The following FIG4 variants were observed in gnomAD, a reference collection of about 807,000 sequenced individuals.
The protein encoded by FIG4 is polyphosphoinositide phosphatase.
FIG4 carries 112 observed loss-of-function variants against 118.6 expected under a neutral mutation model. That is an observed-to-expected ratio of 0.94 (90% CI 0.81 to 1.11). The LOEUF is 1.11. Ranked by LOEUF, FIG4 falls within the 50% of genes least tolerant of loss-of-function variation. FIG4 has a pLI of 0.00. For synonymous variants in FIG4, 369 were observed against 381.2 expected, an observed-to-expected ratio of 0.97 and a Z score of 0.37; for missense variants, 969 against 1,111.7, an observed-to-expected ratio of 0.87 and a Z score of 1.83.
Position 109,791,502 on chromosome 6 carries a change from G to C in FIG4, c.2307G>C (p.Glu769Asp), listed in dbSNP as rs909921927. The change falls in exon 20 of 23, where the codon GAG becomes GAC. Residue 769 changes from glutamate (E) to aspartate (D), a missense_variant. Around this residue, in one of 3 missense-constraint regions of FIG4, gnomAD observed 330 missense variants for 348.1 expected, o/e 0.95. Coordinates refer to ENST00000230124, the MANE Select transcript of FIG4 (RefSeq NM_014845.6). ...ACTCTGGGACTGATCGGGAAGAAGA[G>C]GGCTCTGTGTCTCAGCGCTCCACTC... ...EDDSGTDREE[E>D]GSVSQRSTPV... 1 of 1,614,070 alleles carries C rather than the reference G, an allele frequency of 6.2e-7. No homozygotes were observed. The highest frequency in any genetic ancestry group is 8.5e-7 in the Non-Finnish European group (1 of 1,180,036).
chr6:109,708,889 A>G (rs1165859046), intron 1 of FIG4, among the ~76,000 whole-genome samples: 1 of 152,104 alleles, frequency 6.6e-6, no homozygotes, highest in Non-Finnish European at 1.5e-5. Context: ...TCGTTAGTAA[A>G]AATTTTCTCT....
intron 22 of FIG4, among the ~76,000 whole-genome samples, chr6:109,798,497 G>A (rs1778345927): frequency 1.3e-5 from 2 of 152,210 alleles, no homozygotes; most frequent in South Asian, 4.1e-4. Context: ...AAGTTTAGGA[G>A]ACAGTTGGAT....
intron 10 of FIG4, among the ~76,000 whole-genome samples, 189 bp from the exon 11 acceptor site, chr6:109,760,061 C>T (rs1251624280): frequency 2.0e-5 from 3 of 152,122 alleles, no homozygotes; most frequent in Non-Finnish European, 4.4e-5. Flanking sequence ...ATTAGCTGTT[C>T]ACTTTAATAC....
At chr6:109,798,610 C>T (rs980600799) in intron 22 of FIG4, among the ~76,000 whole-genome samples, 1 of 152,066 alleles carries the variant, frequency 6.6e-6, no homozygotes, top group Admixed American at 6.5e-5. Context: ...ACCTAGGAAG[C>T]GAGACTACAG....
At chr6:109,700,751 A>G (rs1774880520) in intron 1 of FIG4, among the ~76,000 whole-genome samples, 2 of 152,230 alleles carry the variant, frequency 1.3e-5, no homozygotes. Context: ...CAGTGTACAC[A>G]AACTTTGTTT....
chr6:109,738,557 C>T, intron 7 of FIG4, 104 bp downstream of exon 7: 1 of 1,118,746 alleles, frequency 8.9e-7, no homozygotes, highest in Non-Finnish European at 1.4e-6. Context: ...CCACTCTGTG[C>T]ACCCCAACAG....
At chr6:109,713,886 A>G (rs1775347624) in intron 1 of FIG4, among the ~76,000 whole-genome samples, 2 of 152,092 alleles carry the variant, frequency 1.3e-5, no homozygotes, top group South Asian at 4.1e-4. Flanking sequence ...GGGCCCTGGG[A>G]GAGAGGTCAG....
chr6:109,803,952 T>A (rs1778497066), intron 22 of FIG4, among the ~76,000 whole-genome samples: 1 of 152,166 alleles, frequency 6.6e-6, no homozygotes, highest in Non-Finnish European at 1.5e-5. Context: ...TAAATTTCTT[T>A]AACTTTCTCT....
In FIG4 at chr6:109,825,298, G is replaced by C. The variant is rs1411635174; in HGVS notation, c.*33G>C. The C allele has an allele frequency of 1.3e-6, 2 of 1,593,246 alleles. No individual in the cohort carries two copies. Among genetic ancestry groups the C allele is most frequent in the Non-Finnish European group, 1.7e-6 (2 of 1,161,424 alleles). On this transcript the variant is annotated 3_prime_UTR_variant, in exon 23 of 23. Transcript: ENST00000230124. ...GCAGGTCCACCTGGTGGACACGTCT[G>C]ATTAGCTTAGAACCTGTCTTGTCTC...
intron 16 of FIG4, among the ~76,000 whole-genome samples, chr6:109,782,307 C>G (rs1295725873): frequency 2.0e-5 from 3 of 152,152 alleles, no homozygotes; most frequent in Non-Finnish European, 1.5e-5. Flanking sequence ...GCTTAGTCGT[C>G]TTAGATGCTC....
At chr6:109,753,887 A>T (rs1411715845) in intron 10 of FIG4, among the ~76,000 whole-genome samples, 1 of 152,242 alleles carries the variant, frequency 6.6e-6, no homozygotes, top group African/African-American at 2.4e-5. Flanking sequence ...ATCTGCAAAC[A>T]GGGACAATTT....
intron 1 of FIG4, among the ~76,000 whole-genome samples, chr6:109,701,305 C>T (rs1013894127): frequency 1.3e-5 from 2 of 152,162 alleles, no homozygotes; most frequent in Non-Finnish European, 2.9e-5. Flanking sequence ...TGCCTTGTGG[C>T]CCAGGCCTAA....
chr6:109,726,500 T>C (rs1444480439), intron 3 of FIG4, among the ~76,000 whole-genome samples: 2 of 152,198 alleles, frequency 1.3e-5, no homozygotes, highest in Non-Finnish European at 2.9e-5. Context: ...TTGGTTACTG[T>C]AGCCTTGTAG....
chr6:109,790,397 A>G (rs1448098698), intron 19 of FIG4, among the ~76,000 whole-genome samples: 1 of 152,240 alleles, frequency 6.6e-6, no homozygotes, highest in East Asian at 1.9e-4. Context: ...TAAATAGCTC[A>G]TGTTAAGCCC....
intron 22 of FIG4, among the ~76,000 whole-genome samples, chr6:109,811,110 C>G (rs1339213631): frequency 6.6e-6 from 1 of 152,106 alleles, no homozygotes; most frequent in African/African-American, 2.4e-5. Flanking sequence ...GCTGAGATAA[C>G]TGGGAGTATT....
intron 15 of FIG4, among the ~76,000 whole-genome samples, chr6:109,774,742 T>C (rs1777568725): frequency 6.6e-6 from 1 of 152,188 alleles, no homozygotes; most frequent in Admixed American, 6.5e-5. Flanking sequence ...TTGAAAATTG[T>C]GTGTACCTGT....
At chr6:109,755,761 C>T (rs994246539) in intron 10 of FIG4, among the ~76,000 whole-genome samples, 14 of 152,120 alleles carry the variant, frequency 9.2e-5, no homozygotes, top group Non-Finnish European at 1.8e-4. Context: ...ATTGCAACCC[C>T]TGCCTTTTTT....
At chr6:109,692,925 C>G (rs945790134) in intron 1 of FIG4, among the ~76,000 whole-genome samples, 1 of 152,166 alleles carries the variant, frequency 6.6e-6, no homozygotes, top group Non-Finnish European at 1.5e-5. Context: ...TGGTCTAAAA[C>G]TCCTGGCTTC....
intron 3 of FIG4, among the ~76,000 whole-genome samples, chr6:109,719,792 T>G (rs1003861853): frequency 4.0e-5 from 6 of 151,534 alleles, no homozygotes; most frequent in African/African-American, 1.5e-4. Context: ...GACTCTTTTG[T>G]TTTTTTTTAA....
Sources: allele counts gnomAD v4.1 joint callset (sites outside exome capture counted in the v4.1 genomes callset), GRCh38; gene constraint gnomAD v4.1.1; regional missense constraint gnomAD v4.1.1; transcripts MANE v1.5; gene names NCBI Gene and HGNC (gene_info 2026-07-23, HGNC 2026-07-21).